OXR1: variants seen among roughly 807,000 people sequenced by gnomAD.
OXR1 encodes oxidation resistance protein 1.
In OXR1, 41 loss-of-function variants were observed where a neutral mutation model predicts 104.6. The observed-to-expected ratio is 0.39, with a 90% CI of 0.31 to 0.51. The LOEUF (loss-of-function observed/expected upper bound fraction) is 0.51, where lower values mean the gene tolerates loss of function less well. Among genes scored for constraint, OXR1 ranks in the 20% least tolerant of loss-of-function variants. The pLI, the probability that OXR1 is intolerant of heterozygous loss-of-function variation, is 0.77. For missense variants in OXR1, 955 were observed against 1,031.9 expected (o/e 0.93, Z 1.02); for synonymous variants, 348 against 348.4 (o/e 1.00, Z 0.01).
At chr8:106,369,254 T>C (rs1379800725) in intron 2 of OXR1, among the ~76,000 whole-genome samples, 2 of 152,224 alleles carry the variant, frequency 1.3e-5, no homozygotes, top group Non-Finnish European at 2.9e-5. Context: ...TGTTTGTTTT[T>C]TCTTGTAAAT....
At chr8:106,567,793 G>A (rs892673370) in intron 3 of OXR1, among the ~76,000 whole-genome samples, 1 of 152,148 alleles carries the variant, frequency 6.6e-6, no homozygotes, top group South Asian at 2.1e-4. Flanking sequence ...ATTCCAGTTT[G>A]TTAATACAGA....
At chr8:106,652,108 G>A (rs575366132) in intron 3 of OXR1, among the ~76,000 whole-genome samples, 75 of 152,040 alleles carry the variant, frequency 4.9e-4, no homozygotes, top group Non-Finnish European at 8.2e-4. Context: ...CTTTCTAATC[G>A]CACAAAAACA....
chr8:106,550,394 C>A (rs1901777), intron 3 of OXR1, among the ~76,000 whole-genome samples: 59,933 of 152,024 alleles, frequency 0.39, 12,322 homozygotes, highest in South Asian at 0.45. Flanking sequence ...ATGAAACTTA[C>A]AATCATGGTG....
intron 2 of OXR1, among the ~76,000 whole-genome samples, chr8:106,362,146 GTTCCAC>G (rs1171715862): frequency 6.6e-6 from 1 of 152,166 alleles, no homozygotes; most frequent in East Asian, 1.9e-4. Context: ...ATGATTCTGA[GTTCCAC>G]TTCTGCCAGA....
chr8:106,528,528 A>G (rs1441406899), intron 3 of OXR1, among the ~76,000 whole-genome samples: 1 of 152,214 alleles, frequency 6.6e-6, no homozygotes, highest in Non-Finnish European at 1.5e-5. Context: ...TCTTCTCAGT[A>G]GTAGGCAAAA....
intron 2 of OXR1, among the ~76,000 whole-genome samples, chr8:106,440,359 C>T (rs995339622): frequency 3.6e-4 from 55 of 152,074 alleles, no homozygotes; most frequent in African/African-American, 1.2e-3. Context: ...ACAGGACAAT[C>T]GGCTCAATCT....
chr8:106,355,951 G>A (rs1815949904), intron 1 of OXR1, among the ~76,000 whole-genome samples: 1 of 152,074 alleles, frequency 6.6e-6, no homozygotes, highest in African/African-American at 2.4e-5. Context: ...CAGCTGCGAG[G>A]AAAACTGGAT....
chr8:106,536,199 G>A (rs1244568947), intron 3 of OXR1, among the ~76,000 whole-genome samples: 3 of 149,378 alleles, frequency 2.0e-5, no homozygotes, highest in Admixed American at 6.8e-5. Context: ...CAGCCAGGGC[G>A]ACAGAGCAAG....
At chr8:106,652,726 T>C (rs1373211913) in intron 3 of OXR1, among the ~76,000 whole-genome samples, 2 of 150,828 alleles carry the variant, frequency 1.3e-5, no homozygotes, top group Non-Finnish European at 3.0e-5. Flanking sequence ...CGGGGGGAAA[T>C]AGAAGATACT....
chr8:106,292,408 T>C (rs1812791025), intron 1 of OXR1, among the ~76,000 whole-genome samples: 1 of 152,150 alleles, frequency 6.6e-6, no homozygotes, highest in Non-Finnish European at 1.5e-5. Context: ...GTTAGTTTTG[T>C]GGTTGCACCT....
intron 1 of OXR1, among the ~76,000 whole-genome samples, chr8:106,305,811 C>A (rs543340710): frequency 6.6e-6 from 1 of 152,158 alleles, no homozygotes; most frequent in South Asian, 2.1e-4. Context: ...CTTGGTACTT[C>A]CTTCTGTTTT....
intron 1 of OXR1, among the ~76,000 whole-genome samples, chr8:106,348,594 A>G (rs1320267829): frequency 1.3e-5 from 2 of 152,194 alleles, no homozygotes; most frequent in African/African-American, 2.4e-5. Context: ...AATTGATTGT[A>G]GATTCTAAAA....
chr8:106,307,143 C>G (rs1271619468), intron 1 of OXR1, among the ~76,000 whole-genome samples: 1 of 152,032 alleles, frequency 6.6e-6, no homozygotes, highest in African/African-American at 2.4e-5. Flanking sequence ...GAGTTGGTAG[C>G]CAACAAGTGA....
intron 1 of OXR1, among the ~76,000 whole-genome samples, chr8:106,293,054 A>G (rs1812821659): frequency 6.6e-6 from 1 of 152,186 alleles, no homozygotes; most frequent in African/African-American, 2.4e-5. Context: ...TGGATCTGGG[A>G]TATATTTCAA....
At chr8:106,656,810 T>C (rs1201775388) in intron 3 of OXR1, among the ~76,000 whole-genome samples, 1 of 146,488 alleles carries the variant, frequency 6.8e-6, no homozygotes, top group Non-Finnish European at 1.5e-5. Flanking sequence ...AAAAAAGATC[T>C]GTCAACCAGT....
At position 106,706,897 on chromosome 8, in the gene OXR1, A is replaced by G; in HGVS notation, c.1376A>G (p.His459Arg). Residue 459 changes from histidine (H) to arginine (R), a missense_variant, in exon 9 of 17, where the codon CAC becomes CGC. This residue lies in a region of OXR1 where 849 missense variants were observed against 852.9 expected (regional missense o/e 1.00). Coordinates refer to ENST00000517566, the MANE Select transcript of OXR1 (RefSeq NM_001198533.2). ...QDSFLHENSL[H>R]QEESQKENMP... ...TCTTTTCTTCATGAGAATTCGTTAC[A>G]CCAAGAAGAGAGTCAAAAAGAAAAT... 6.2e-7 allele frequency: 1 copy of G among 1,612,410 alleles called. No individual in the cohort carries two copies. Among genetic ancestry groups the G allele is most frequent in the East Asian group, 2.2e-5 (1 of 44,854 alleles).
intron 16 of OXR1, among the ~76,000 whole-genome samples, chr8:106,749,950 T>A (rs1490784318): frequency 6.6e-6 from 1 of 152,016 alleles, no homozygotes; most frequent in Admixed American, 6.6e-5. Context: ...TCTGCTTGAA[T>A]CTCAACATCA....
chr8:106,715,092 A>C (rs1242496869), intron 11 of OXR1, among the ~76,000 whole-genome samples: 2 of 152,164 alleles, frequency 1.3e-5, no homozygotes, highest in Non-Finnish European at 2.9e-5. Flanking sequence ...GAATGGATGA[A>C]TACATTTTTG....
intron 3 of OXR1, among the ~76,000 whole-genome samples, chr8:106,574,897 AAAG>A (rs1300128395): frequency 6.6e-6 from 1 of 152,240 alleles, no homozygotes; most frequent in Non-Finnish European, 1.5e-5. Flanking sequence ...AAAAATAAAT[AAAG>A]AAGATGACAA....
Sources: gnomAD v4.1 joint callset for allele counts (sites outside exome capture counted in the v4.1 genomes callset) on GRCh38, gnomAD v4.1.1 for gene constraint, gnomAD v4.1.1 regional missense constraint, MANE v1.5 for transcripts, NCBI Gene and HGNC (gene_info 2026-07-23, HGNC 2026-07-21) for gene names.